Variants in MARCHF5 observed in about 807,000 individuals in gnomAD.
MARCHF5 encodes the protein membrane associated ring-CH-type finger 5, also known as E3 ubiquitin-protein ligase MARCHF5.
MARCHF5 carries 5 observed loss-of-function variants against 36.5 expected under a neutral mutation model. The observed-to-expected ratio is 0.14, with a 90% CI of 0.07 to 0.29. The LOEUF (loss-of-function observed/expected upper bound fraction) is 0.29, where lower values mean the gene tolerates loss of function less well. MARCHF5 is among the 10% of genes least tolerant of loss of function. The pLI is 1.00. For missense variants in MARCHF5, 179 were observed against 336.3 expected, an observed-to-expected ratio of 0.53 and a Z score of 3.66; for synonymous variants, 103 against 109.9, an observed-to-expected ratio of 0.94 and a Z score of 0.39.
intron 1 of MARCHF5, 29 bp downstream of exon 1, chr10:92,291,558 G>A (rs1444777542): frequency 1.3e-6 from 2 of 1,525,096 alleles, no homozygotes; most frequent in South Asian, 2.4e-5. Flanking sequence ...GGGACCGGGA[G>A]CCGCCGACCC....
chr10:92,327,380 A>G (rs1009197785), intron 2 of MARCHF5, among the ~76,000 whole-genome samples: 2 of 150,984 alleles, frequency 1.3e-5, no homozygotes, highest in Admixed American at 6.6e-5. Context: ...TCATACATAG[A>G]TGTATGATTA....
chr10:92,336,362 TC>T (rs1171954839), intron 2 of MARCHF5, among the ~76,000 whole-genome samples: 2 of 152,108 alleles, frequency 1.3e-5, no homozygotes, highest in Admixed American at 1.3e-4. Context: ...GATGCAAAAA[TC>T]AGCAAACCTT....
intron 3 of MARCHF5, among the ~76,000 whole-genome samples, chr10:92,345,834 A>C (rs1408795541): frequency 6.6e-6 from 1 of 151,684 alleles, no homozygotes; most frequent in East Asian, 1.9e-4. Flanking sequence ...AGCTGGGACT[A>C]CATACACATG....
chr10:92,322,317 A>C (rs1369685024), intron 2 of MARCHF5, among the ~76,000 whole-genome samples: 1 of 136,834 alleles, frequency 7.3e-6, no homozygotes, highest in African/African-American at 2.7e-5. Context: ...TCTCTGTTTC[A>C]TTTTTATCCA....
In MARCHF5 at chr10:92,291,393, G is replaced by T. The variant is rs1842858835; in HGVS notation, c.-102G>T. On this transcript the variant is annotated 5_prime_UTR_variant, in exon 1 of 6. Transcript: ENST00000358935. ...GCTGGGTGACGGGTTCGCGGCTGCCGCCGGACTGCGGCCTACTCCGCCGCC... is the reference window on the plus strand; with the variant it reads ...GCTGGGTGACGGGTTCGCGGCTGCCTCCGGACTGCGGCCTACTCCGCCGCC... 6 of 1,104,110 alleles carry T rather than the reference G, an allele frequency of 5.4e-6. No homozygotes were observed. The highest frequency in any genetic ancestry group is 2.0e-5 in the Admixed American group (1 of 49,838). 68.4% of individuals were successfully genotyped at this position (1,104,110 alleles called of 1,614,324 possible).
intron 2 of MARCHF5, among the ~76,000 whole-genome samples, chr10:92,324,887 T>C (rs1324487912): frequency 6.6e-6 from 1 of 152,184 alleles, no homozygotes; most frequent in Admixed American, 6.5e-5. Context: ...TAAAACTTTT[T>C]TTAATGGCCT....
Position 92,352,251 on chromosome 10 carries a change from G to C in MARCHF5, c.*1044G>C, listed in dbSNP as rs1266957173. On this transcript the variant is annotated 3_prime_UTR_variant, in exon 6 of 6. Coordinates refer to ENST00000358935, the MANE Select transcript of MARCHF5 (RefSeq NM_017824.5). ...AGAAAACCAGCAGTGAATAAACCAA[G>C]GTGAGGCCTTGAGCTCTTTGTTTTT... The C allele has an allele frequency of 1.3e-5, 2 of 152,380 alleles. No homozygotes were observed. Among genetic ancestry groups the C allele is most frequent in the Admixed American group, 6.5e-5 (1 of 15,270 alleles). The allele number at this position is 152,380 out of a possible 1,614,324, so 9.4% of individuals were successfully genotyped here.
chr10:92,342,137 C>A (rs1266038488), intron 3 of MARCHF5, among the ~76,000 whole-genome samples: 1 of 146,362 alleles, frequency 6.8e-6, no homozygotes, highest in East Asian at 2.1e-4. Context: ...CTCTTCACCC[C>A]CCTCAATACT....
intron 2 of MARCHF5, among the ~76,000 whole-genome samples, chr10:92,328,867 T>G (rs1003752695): frequency 6.7e-6 from 1 of 150,244 alleles, no homozygotes; most frequent in African/African-American, 2.4e-5. Context: ...TTTGTGTGCT[T>G]CTTATTGCAT....
chr10:92,324,519 G>A (rs1166482222), intron 2 of MARCHF5, among the ~76,000 whole-genome samples: 2 of 151,984 alleles, frequency 1.3e-5, no homozygotes, highest in African/African-American at 2.4e-5. Flanking sequence ...CTGCTACCAC[G>A]CCCGGCTAAT....
At chr10:92,324,555 G>A (rs1004421361) in intron 2 of MARCHF5, among the ~76,000 whole-genome samples, 1 of 152,072 alleles carries the variant, frequency 6.6e-6, no homozygotes, top group Non-Finnish European at 1.5e-5. Flanking sequence ...GTAGAGACAG[G>A]GTTTCACTGT....
chr10:92,295,854 T>C (rs1362074450), intron 1 of MARCHF5, among the ~76,000 whole-genome samples: 2 of 152,030 alleles, frequency 1.3e-5, no homozygotes, highest in East Asian at 1.9e-4. Context: ...CGTATATATA[T>C]ACATACATAC....
chr10:92,333,757 A>G (rs1204249724), intron 2 of MARCHF5: 7 of 532,224 alleles, frequency 1.3e-5, no homozygotes, highest in Non-Finnish European at 1.7e-5. Flanking sequence ...TAATCAAAGT[A>G]AGGACAGGAC....
rs1843380464 is a variant in MARCHF5 at position 92,327,588 on chromosome 10, A to G, written c.239-13085A>G. ...TTTATAACATAATGGATATCCTATA[A>G]TTGGCTTTTGTAGAGATTACACCCA... On this transcript the variant is annotated intron_variant, in intron 2 of 5. Coordinates refer to ENST00000358935, the MANE Select transcript of MARCHF5 (RefSeq NM_017824.5). Among the ~76,000 whole-genome samples, 3 of 152,298 alleles carry G rather than the reference A, an allele frequency of 2.0e-5. No homozygotes were observed. In the South Asian group the frequency reaches 6.2e-4, roughly 32 times the overall value.
In MARCHF5 at chr10:92,311,744, A is replaced by G. The variant is rs960832747; in HGVS notation, c.238+407A>G. ...CCTTAATTCTTCCTTTTAAGGAATA[A>G]AAGTAGAGAAATTAAATATTTAATA... On this transcript the variant is annotated intron_variant, in intron 2 of 5. Coordinates refer to ENST00000358935, the MANE Select transcript of MARCHF5 (RefSeq NM_017824.5). Among the ~76,000 whole-genome samples the G allele has an allele frequency of 2.6e-5, 4 of 152,358 alleles. No homozygotes were observed. In the South Asian group the frequency reaches 8.3e-4, roughly 32 times the overall value.
intron 1 of MARCHF5, among the ~76,000 whole-genome samples, chr10:92,293,210 A>G (rs2135170964): frequency 6.6e-6 from 1 of 152,068 alleles, no homozygotes; most frequent in South Asian, 2.1e-4. Context: ...GGCTCAGGTG[A>G]TCCTCCTACC....
intron 2 of MARCHF5, among the ~76,000 whole-genome samples, chr10:92,333,165 AAAG>A (rs1239635708): frequency 8.3e-5 from 1 of 12,082 alleles, no homozygotes; most frequent in East Asian, 3.1e-3. Context: ...CGTCTTGCCA[AAAG>A]AAAAAAAAAA....
intron 3 of MARCHF5, among the ~76,000 whole-genome samples, 195 bp from the exon 4 acceptor site, chr10:92,349,154 G>A (rs1380398697): frequency 6.6e-6 from 1 of 152,110 alleles, no homozygotes; most frequent in African/African-American, 2.4e-5. Flanking sequence ...AATGGCTTGG[G>A]AACTTTGTTT....
At position 92,300,175 on chromosome 10, in the gene MARCHF5, G is replaced by A. The variant is rs963130584; in HGVS notation, c.35+8646G>A. ...AAGACCTTGTCTCAAAAAAAAAAAA[G>A]AAAAGAAAAGAAAAAAAGATCTGGC... On this transcript the variant is annotated intron_variant, in intron 1 of 5. Transcript: ENST00000358935. 8.0e-3 allele frequency among the ~76,000 whole-genome samples: 1,144 copies of A among 142,546 alleles called. 9 individuals carry two copies. The highest frequency in any genetic ancestry group is 0.027 in the African/African-American group (1,097 of 39,976). 93.5% of individuals were successfully genotyped at this position (142,546 alleles called of 152,430 possible).
Sources: gnomAD v4.1 joint callset for allele counts (sites outside exome capture counted in the v4.1 genomes callset) on GRCh38, gnomAD v4.1.1 for gene constraint, MANE v1.5 for transcripts, NCBI Gene and HGNC (gene_info 2026-07-23, HGNC 2026-07-21) for gene names.